Variants in DACH2 observed in about 807,000 individuals in gnomAD.
DACH2 encodes dachshund family transcription factor 2.
DACH2 carries 17 observed loss-of-function variants against 35.8 expected under a neutral mutation model. The observed-to-expected ratio is 0.48, with a 90% CI of 0.33 to 0.71. The LOEUF (loss-of-function observed/expected upper bound fraction) is 0.71, where lower values mean the gene tolerates loss of function less well. Among genes scored for constraint, DACH2 ranks in the 30% least tolerant of loss-of-function variants. The probability of loss-of-function intolerance (pLI) is 0.02; values close to 1 mark genes in which losing one functional copy is unlikely to be tolerated. For synonymous variants in DACH2, 195 were observed against 177.3 expected (o/e 1.10, Z -0.79); for missense variants, 469 against 472.7 (o/e 0.99, Z 0.07).
intron 1 of DACH2, among the ~76,000 whole-genome samples, chrX:86,287,167 A>C (rs746633957): frequency 1.9e-5 from 1 of 52,751 alleles, no homozygotes; most frequent in African/African-American, 1.1e-4. Flanking sequence ...ATTCTAGGGT[A>C]AATATATTTT....
Position 86,293,783 on chromosome X carries a change from C to G in DACH2, c.489-83041C>G, listed in dbSNP as rs1366714701. On this transcript the variant is annotated intron_variant, in intron 1 of 11. Coordinates refer to ENST00000373125, the MANE Select transcript of DACH2 (RefSeq NM_053281.3). ...CTCTTCTGGCTTGTAGAGTTTCTGC[C>G]GAGAGATCAGCTGTTAGTCTGATGG... Among the ~76,000 whole-genome samples the G allele has an allele frequency of 7.5e-4, 84 of 111,455 alleles. 1 individual carries two copies. The highest frequency in any genetic ancestry group is 2.7e-3 in the South Asian group (7 of 2,602).
At chrX:86,649,675 C>T (rs911591340) in intron 3 of DACH2, among the ~76,000 whole-genome samples, 1 of 110,960 alleles carries the variant, frequency 9.0e-6, no homozygotes, top group African/African-American at 3.3e-5. Flanking sequence ...GAAAAGTTTG[C>T]TTCATTACGA....
intron 1 of DACH2, among the ~76,000 whole-genome samples, chrX:86,176,477 C>G (rs1361224285): frequency 9.0e-6 from 1 of 111,002 alleles, no homozygotes; most frequent in Non-Finnish European, 1.9e-5. Context: ...ATATCCTCCA[C>G]GTGTGCATTG....
intron 1 of DACH2, among the ~76,000 whole-genome samples, chrX:86,264,442 T>C (rs1326453938): frequency 1.8e-5 from 2 of 111,967 alleles, no homozygotes; most frequent in Non-Finnish European, 3.8e-5. Context: ...GCCAGCTCAA[T>C]TACCAGTTTA....
chrX:86,824,655 G>C (rs192101036), intron 11 of DACH2, among the ~76,000 whole-genome samples: 1 of 112,127 alleles, frequency 8.9e-6, no homozygotes, highest in Admixed American at 9.4e-5. Context: ...GCTCCAGCCA[G>C]TCCCTCCATT....
At chrX:86,659,671 G>T (rs1190184719) in intron 4 of DACH2, among the ~76,000 whole-genome samples, 4 of 111,302 alleles carry the variant, frequency 3.6e-5, no homozygotes, top group Non-Finnish European at 7.6e-5. Flanking sequence ...AATGTTTCTG[G>T]TTTTTTGTAC....
intron 1 of DACH2, among the ~76,000 whole-genome samples, chrX:86,319,254 T>G (rs2034972235): frequency 8.9e-6 from 1 of 112,619 alleles, no homozygotes; most frequent in Non-Finnish European, 1.9e-5. Flanking sequence ...TTTCACAATT[T>G]GCTTAAACCT....
At chrX:86,722,129 CT>C (rs1305995246) in intron 6 of DACH2, among the ~76,000 whole-genome samples, 4 of 111,831 alleles carry the variant, frequency 3.6e-5, no homozygotes, top group African/African-American at 1.3e-4. Context: ...TCTTAGAATA[CT>C]TTCAACTTTT....
chrX:86,797,148 C>T (rs1221242131), intron 7 of DACH2, among the ~76,000 whole-genome samples: 3 of 110,722 alleles, frequency 2.7e-5, no homozygotes, highest in Non-Finnish European at 5.7e-5. Flanking sequence ...GGGGCAACTA[C>T]TGTGTGTGTA....
chrX:86,364,713 G>A (rs748429070), intron 1 of DACH2, among the ~76,000 whole-genome samples: 8 of 111,162 alleles, frequency 7.2e-5, no homozygotes, highest in Admixed American at 9.6e-5. Flanking sequence ...TTCTATTCTC[G>A]CATTTTTCTT....
At chrX:86,670,029 G>A (rs2040746572) in intron 4 of DACH2, among the ~76,000 whole-genome samples, 1 of 110,691 alleles carries the variant, frequency 9.0e-6, no homozygotes. Flanking sequence ...AGTGATAAAC[G>A]CTAATAAAAA....
At chrX:86,179,881 T>C (rs1004728434) in intron 1 of DACH2, among the ~76,000 whole-genome samples, 3 of 109,310 alleles carry the variant, frequency 2.7e-5, no homozygotes, top group African/African-American at 9.9e-5. Context: ...GAGAAATTAA[T>C]CAGTCAGGAC....
At chrX:86,660,123 T>C (rs949609340) in intron 4 of DACH2, among the ~76,000 whole-genome samples, 13 of 111,642 alleles carry the variant, frequency 1.2e-4, no homozygotes, top group Non-Finnish European at 1.9e-4. Flanking sequence ...TATTCATGGG[T>C]GATCACTCTT....
chrX:86,666,771 T>C (rs925686971), intron 4 of DACH2, among the ~76,000 whole-genome samples: 1 of 111,917 alleles, frequency 8.9e-6, no homozygotes, highest in African/African-American at 3.2e-5. Flanking sequence ...AATACATAGG[T>C]AAGATGCCCA....
At chrX:86,453,965 C>A (rs1044324592) in intron 2 of DACH2, among the ~76,000 whole-genome samples, 1 of 111,818 alleles carries the variant, frequency 8.9e-6, no homozygotes, top group Admixed American at 9.5e-5. Flanking sequence ...TCTTGCAAAG[C>A]AGGCCTGGTG....
rs763192850 is a variant in DACH2 at position 86,717,846 on chromosome X, A to G, written c.1104+3126A>G. ...AAAAGTGCAAGATATATATTTTTAT[A>G]TATATTCATATATATGCATATGTAT... On this transcript the variant is annotated intron_variant, in intron 6 of 11. Transcript: ENST00000373125. Among the ~76,000 whole-genome samples the G allele has an allele frequency of 3.8e-5, 4 of 106,420 alleles. 1 individual carries two copies. The South Asian group carries it at 1.6e-3, about 42-fold the overall frequency. The allele number at this position is 106,420 out of a possible 115,157, so 92.4% of individuals were successfully genotyped here. A position where few individuals can be genotyped will look rare whatever the true frequency, so the allele number is the denominator to read the frequency against.
intron 2 of DACH2, among the ~76,000 whole-genome samples, chrX:86,425,572 T>A (rs1429461697): frequency 2.7e-5 from 3 of 111,576 alleles, no homozygotes; most frequent in Non-Finnish European, 5.7e-5. Context: ...TTCTCTCTTT[T>A]TTTAAATTAG....
intron 2 of DACH2, among the ~76,000 whole-genome samples, chrX:86,477,219 G>A (rs1209065580): frequency 4.6e-5 from 5 of 108,042 alleles, no homozygotes; most frequent in African/African-American, 1.7e-4. Flanking sequence ...TCTGAAAGAT[G>A]TCCAGTGCTG....
intron 1 of DACH2, among the ~76,000 whole-genome samples, chrX:86,167,341 A>G (rs1456302182): frequency 9.0e-6 from 1 of 111,160 alleles, no homozygotes; most frequent in Non-Finnish European, 1.9e-5. Context: ...ATTTATTGCC[A>G]TATAGTTGCT....
Sources: gnomAD v4.1 joint callset for allele counts (sites outside exome capture counted in the v4.1 genomes callset) on GRCh38, gnomAD v4.1.1 for gene constraint, MANE v1.5 for transcripts, NCBI Gene and HGNC (gene_info 2026-07-23, HGNC 2026-07-21) for gene names.